RBM14: variants seen among roughly 807,000 people sequenced by gnomAD.
RBM14 encodes the protein RNA binding motif protein 14.
Under a neutral mutation model 52.8 loss-of-function variants are expected in RBM14, and 5 were observed. The observed-to-expected ratio is 0.09, with a 90% confidence interval of 0.05 to 0.20. The LOEUF (loss-of-function observed/expected upper bound fraction) is 0.20, where lower values mean the gene tolerates loss of function less well. Ranked by LOEUF, RBM14 falls within the 10% of genes least tolerant of loss-of-function variation. The pLI, the probability that RBM14 is intolerant of heterozygous loss-of-function variation, is 1.00. For missense variants in RBM14, 780 were observed against 926.6 expected, an observed-to-expected ratio of 0.84 and a Z score of 2.05; for synonymous variants, 411 against 401.8, an observed-to-expected ratio of 1.02 and a Z score of -0.28.
chr11:66,624,579 G>C lies in RBM14; in HGVS notation c.703G>C (p.Ala235Pro), dbSNP rs767631357. The C allele has an allele frequency of 6.2e-7, 1 of 1,612,166 alleles. No individual in the cohort carries two copies. Among genetic ancestry groups the C allele is most frequent in the Admixed American group, 1.7e-5 (1 of 60,020 alleles). ...TGTGGCTCCTCTGACGGCCCAGCCA[G>C]CTACCTACCGGGCCCAGCCGTCCGT... ...SYVAPLTAQP[A>P]TYRAQPSVSL... Residue 235 changes from alanine (A) to proline (P), a missense_variant, in exon 2 of 3, where the codon GCT becomes CCT. This residue lies in a region of RBM14 where 675 missense variants were observed against 697.3 expected (regional missense o/e 0.97). Transcript: ENST00000310137. The surrounding 1 kb of genome is among the most constrained non-coding windows in gnomAD (Gnocchi z 4.7).
chr11:66,620,313 TA>T (rs531440091), intron 1 of RBM14, among the ~76,000 whole-genome samples: 59 of 152,122 alleles, frequency 3.9e-4, no homozygotes, highest in African/African-American at 1.1e-3. Context: ...ATATATTTAT[TA>T]TTTTTTTTTA....
intron 1 of RBM14, among the ~76,000 whole-genome samples, chr11:66,619,757 G>A (rs1172726417): frequency 2.6e-5 from 4 of 151,988 alleles, no homozygotes; most frequent in Non-Finnish European, 4.4e-5. Context: ...TAGTAGAGAC[G>A]GGGTTTCACT....
At position 66,627,823 on chromosome 11, in the gene RBM14, G is replaced by C. The variant is rs1174092113; in HGVS notation, c.*1155G>C. Among the ~76,000 whole-genome samples the C allele has an allele frequency of 6.6e-6, 1 of 152,170 alleles. No individual in the cohort carries two copies. The highest frequency in any genetic ancestry group is 2.4e-5 in the African/African-American group (1 of 41,442). The stretch of plus-strand genomic sequence containing the variant: ...CCCAGAAAGGAACCAGTAGTGGAGT[G>C]GGGGTAATGGCGTTGCCTGATACTG... On this transcript the variant is annotated 3_prime_UTR_variant, in exon 3 of 3. Coordinates refer to ENST00000310137, the MANE Select transcript of RBM14 (RefSeq NM_006328.4).
Position 66,616,837 on chromosome 11 carries a change from C to T in RBM14, c.117C>T (p.Phe39=), listed in dbSNP as rs754533623. ...GCGCCGTCATGAAACAGTTCGCCTT[C>T]GTGCACATGCGCGAGAACGCGGGCG... ...MSCAVMKQFA[F]VHMRENAGAL... Residue 39 remains phenylalanine, a synonymous_variant, in exon 1 of 3, where the codon TTC becomes TTT. Transcript: ENST00000310137. 1.4e-5 allele frequency: 22 copies of T among 1,612,494 alleles called. No individual in the cohort carries two copies. The highest frequency in any genetic ancestry group is 1.7e-5 in the Admixed American group (1 of 59,980).
intron 1 of RBM14, among the ~76,000 whole-genome samples, chr11:66,618,239 G>A (rs1331459771): frequency 6.6e-6 from 1 of 152,070 alleles, no homozygotes; most frequent in Non-Finnish European, 1.5e-5. Flanking sequence ...ATGCAGCCTG[G>A]GAGTATCTGA....
Position 66,625,482 on chromosome 11 carries a change from G to A in RBM14, c.1606G>A (p.Ala536Thr). ...ASYAAQQHPQAAASYRGQPGN... is the reference protein window; with the variant it reads ...ASYAAQQHPQTAASYRGQPGN... ...CTATGCTGCCCAGCAGCATCCCCAG[G>A]CTGCTGCCTCCTACCGCGGCCAGCC... The change falls in exon 2 of 3, where the codon GCT becomes ACT. Residue 536 changes from alanine to threonine, a missense_variant. Ala to Thr is a moderately conservative substitution (Grantham distance 58, BLOSUM62 0). Coordinates refer to ENST00000310137, the MANE Select transcript of RBM14 (RefSeq NM_006328.4). The surrounding 1 kb of genome is among the most constrained non-coding windows in gnomAD (Gnocchi z 4.2). 2 of 1,613,158 alleles carry A rather than the reference G, an allele frequency of 1.2e-6. No homozygotes were observed. The highest frequency in any genetic ancestry group is 1.7e-6 in the Non-Finnish European group (2 of 1,179,728).
rs780258595 is a variant in RBM14, at chr11:66,625,018, C to T, written c.1142C>T (p.Ala381Val). ...ASSLGSYGAQ[A>V]ASYGAQSAAS... ...TCCTTAGGCTCCTACGGGGCTCAGGCAGCCTCCTATGGGGCCCAGTCTGCA... is the reference window on the plus strand; with the variant it reads ...TCCTTAGGCTCCTACGGGGCTCAGGTAGCCTCCTATGGGGCCCAGTCTGCA... Residue 381 changes from alanine (A) to valine (V), a missense_variant, in exon 2 of 3, where the codon GCA becomes GTA. Physicochemically the swap from Ala to Val is moderately conservative, Grantham distance 64. Transcript: ENST00000310137. The surrounding 1 kb of genome is among the most constrained non-coding windows in gnomAD (Gnocchi z 4.2). 5.0e-6 allele frequency: 8 copies of T among 1,613,530 alleles called. No homozygotes were observed. In the Admixed American group the frequency reaches 1.3e-4, roughly 27 times the overall value.
At position 66,625,585 on chromosome 11, in the gene RBM14, A is replaced by G. The variant is rs1162773041; in HGVS notation, c.1709A>G (p.Asn570Ser). The change falls in exon 2 of 3, where the codon AAC becomes AGC. Residue 570 changes from asparagine to serine, a missense_variant. Coordinates refer to ENST00000310137, the MANE Select transcript of RBM14 (RefSeq NM_006328.4). The surrounding 1 kb of genome is among the most constrained non-coding windows in gnomAD (Gnocchi z 4.2). ...TCCCAGGGGGCCGTTGCCAACGCCA[A>G]CAGCACCCCGCCGCCCTATGAGCGT... ...SMSQGAVANANSTPPPYERTR... is the reference protein window; with the variant it reads ...SMSQGAVANASSTPPPYERTR... 4 of 1,611,292 alleles carry G rather than the reference A, an allele frequency of 2.5e-6. No homozygotes were observed. Among genetic ancestry groups the G allele is most frequent in the East Asian group, 2.2e-5 (1 of 44,856 alleles).
At chr11:66,617,301 G>C in intron 1 of RBM14, 1 of 1,340,562 alleles carries the variant, frequency 7.5e-7, no homozygotes, top group South Asian at 2.0e-5. Flanking sequence ...GCCAAGCTAC[G>C]GGGCCGGGGA....
Position 66,626,541 on chromosome 11 carries a change from C to T in RBM14, c.1883C>T (p.Pro628Leu), listed in dbSNP as rs770472659. The T allele has an allele frequency of 1.1e-5, 17 of 1,614,018 alleles. No individual in the cohort carries two copies. Among genetic ancestry groups the T allele is most frequent in the East Asian group, 6.7e-5 (3 of 44,882 alleles). ...TCGCAGCTTTCGTTCCGCCGCTCGC[C>T]GACAAAGTCCTCGCTGGATTACCGT... Reference protein sequence around the residue: ...SESQLSFRRSPTKSSLDYRRL... With the variant: ...SESQLSFRRSLTKSSLDYRRL... The change falls in exon 3 of 3, where the codon CCG becomes CTG. Residue 628 changes from proline to leucine, a missense_variant. By Grantham distance (98) the Pro-to-Leu change is moderately conservative (BLOSUM62 -3). Coordinates refer to ENST00000310137, the MANE Select transcript of RBM14 (RefSeq NM_006328.4).
Position 66,624,968 on chromosome 11 carries a change from C to G in RBM14, c.1092C>G (p.Ser364=). 1 of 1,613,986 alleles carries G rather than the reference C, an allele frequency of 6.2e-7. No individual in the cohort carries two copies. Among genetic ancestry groups the G allele is most frequent in the Admixed American group, 1.7e-5 (1 of 60,012 alleles). Residue 364 remains serine (S), a synonymous_variant, in exon 2 of 3, where the codon TCC becomes TCG. Transcript: ENST00000310137. This position sits in a 1 kb window ranked among gnomAD's most constrained non-coding sequence, Gnocchi z 4.7. ...SSYGVRAAAS[S]YNTQGAASSL... Reference sequence around the variant, plus strand: ...ATGGGGTTCGTGCAGCTGCTTCTTCCTACAACACCCAGGGAGCAGCTTCCT... The same window carrying G: ...ATGGGGTTCGTGCAGCTGCTTCTTCGTACAACACCCAGGGAGCAGCTTCCT...
In RBM14 at chr11:66,625,672, C is replaced by T. The variant is rs749937857; in HGVS notation, c.1796C>T (p.Ser599Leu). 3.1e-6 allele frequency: 5 copies of T among 1,606,554 alleles called. No individual in the cohort carries two copies. Among genetic ancestry groups the T allele is most frequent in the Non-Finnish European group, 2.5e-6 (3 of 1,177,784 alleles). The change falls in exon 2 of 3, where the codon TCG becomes TTG. Residue 599 changes from serine to leucine, a missense_variant. Coordinates refer to ENST00000310137, the MANE Select transcript of RBM14 (RefSeq NM_006328.4). This position sits in a 1 kb window ranked among gnomAD's most constrained non-coding sequence, Gnocchi z 4.2. ...DDPYKKAVAMSKRYGSDRRLA... is the reference protein window; with the variant it reads ...DDPYKKAVAMLKRYGSDRRLA... Reference sequence around the variant, plus strand: ...CCCTACAAAAAGGCTGTCGCCATGTCGAAAAGGTACTGTATGCCCCCCCGC... The same window carrying T: ...CCCTACAAAAAGGCTGTCGCCATGTTGAAAAGGTACTGTATGCCCCCCCGC...
chr11:66,617,473 G>A (rs1858892226), intron 1 of RBM14: 1 of 1,017,006 alleles, frequency 9.8e-7, no homozygotes, highest in Admixed American at 5.3e-5. Context: ...GTCAGAGCAA[G>A]GGAAGAGGGA....
chr11:66,621,657 G>T (rs1029372754), intron 1 of RBM14, among the ~76,000 whole-genome samples: 1 of 152,166 alleles, frequency 6.6e-6, no homozygotes, highest in Non-Finnish European at 1.5e-5. Context: ...GGATTATGGT[G>T]TGAGTCATTG....
intron 1 of RBM14, among the ~76,000 whole-genome samples, chr11:66,621,601 T>G (rs991313306): frequency 1.5e-4 from 23 of 152,182 alleles, no homozygotes; most frequent in African/African-American, 5.3e-4. Flanking sequence ...GGTCTTGAAC[T>G]CCTGACCTCA....
Position 66,625,433 on chromosome 11 carries a change from GTCA to G in RBM14, c.1561_1563del (p.Ser521del), listed in dbSNP as rs778148322. 8.1e-6 allele frequency: 13 copies of G among 1,613,694 alleles called. No individual in the cohort carries two copies. The East Asian group carries it at 1.3e-4, about 17-fold the overall frequency. On this transcript the variant is annotated inframe_deletion, in exon 2 of 3. Coordinates refer to ENST00000310137, the MANE Select transcript of RBM14 (RefSeq NM_006328.4). The surrounding 1 kb of genome is among the most constrained non-coding windows in gnomAD (Gnocchi z 4.2). Reference sequence around the variant, plus strand: ...CCCTGGCAGCTCCTTACCGCACTCAGTCATCAGCCTCATTGGCTGCTTCCTATG... The same window carrying G: ...CCCTGGCAGCTCCTTACCGCACTCAGTCAGCCTCATTGGCTGCTTCCTATG...
rs760661922 is a variant in RBM14 at position 66,625,447 on chromosome 11, T to C, written c.1571T>C (p.Leu524Ser). 25 of 1,613,572 alleles carry C rather than the reference T, an allele frequency of 1.5e-5. No homozygotes were observed. Among genetic ancestry groups the C allele is most frequent in the Non-Finnish European group, 2.1e-5 (25 of 1,179,932 alleles). Residue 524 changes from leucine to serine, a missense_variant, in exon 2 of 3, where the codon TTG becomes TCG. By Grantham distance (145) the Leu-to-Ser change is moderately radical. This residue lies in a region of RBM14 where 675 missense variants were observed against 697.3 expected (regional missense o/e 0.97). Transcript: ENST00000310137. The surrounding 1 kb of genome is among the most constrained non-coding windows in gnomAD (Gnocchi z 4.2). ...TACCGCACTCAGTCATCAGCCTCAT[T>C]GGCTGCTTCCTATGCTGCCCAGCAG... is the stretch of plus-strand genomic sequence containing the variant. ...APYRTQSSAS[L>S]AASYAAQQHP...
intron 1 of RBM14, among the ~76,000 whole-genome samples, chr11:66,618,730 G>A (rs1425329782): frequency 6.6e-6 from 1 of 152,152 alleles, no homozygotes; most frequent in Non-Finnish European, 1.5e-5. Context: ...TGGCTACTAG[G>A]TTGAGAGTCT....
chr11:66,618,306 A>T (rs1858940753), intron 1 of RBM14, among the ~76,000 whole-genome samples: 1 of 152,124 alleles, frequency 6.6e-6, no homozygotes, highest in Admixed American at 6.6e-5. Context: ...AGTTTCAGGG[A>T]TAGGAAATAA....
Sources: allele counts gnomAD v4.1 joint callset (sites outside exome capture counted in the v4.1 genomes callset), GRCh38; gene constraint gnomAD v4.1.1; regional missense constraint gnomAD v4.1.1; non-coding constraint Gnocchi (gnomAD v3.1); transcripts MANE v1.5; gene names NCBI Gene and HGNC (gene_info 2026-07-23, HGNC 2026-07-21).